Variants in LRRK1 observed in about 807,000 individuals in gnomAD.
The protein encoded by LRRK1 is leucine rich repeat kinase 1, also known as leucine-rich repeat serine/threonine-protein kinase 1.
In LRRK1, 113 loss-of-function variants were observed where a neutral mutation model predicts 209.1. The ratio of observed to expected loss-of-function variants is 0.54; its 90% CI spans 0.46 to 0.63. The LOEUF is 0.63. Among genes scored for constraint, LRRK1 ranks in the 30% least tolerant of loss-of-function variants. LRRK1 has a pLI of 0.00. For synonymous variants in LRRK1, 1,144 were observed against 1,099.7 expected (o/e 1.04, Z -0.80); for missense variants, 2,284 against 2,632.2 (o/e 0.87, Z 2.89).
intron 12 of LRRK1, among the ~76,000 whole-genome samples, chr15:101,017,586 G>A (rs963332): frequency 0.32 from 48,520 of 151,804 alleles, 9,366 homozygotes; most frequent in Non-Finnish European, 0.44. Flanking sequence ...TCATAGGAGC[G>A]CGAACCCTAT....
chr15:101,045,066 C>G (rs999032087), intron 20 of LRRK1, among the ~76,000 whole-genome samples: 9 of 152,252 alleles, frequency 5.9e-5, no homozygotes, highest in African/African-American at 2.2e-4. Context: ...GATCCTTTCT[C>G]TCCCCATTGT....
intron 6 of LRRK1, among the ~76,000 whole-genome samples, chr15:100,992,970 T>G (rs2032228260): frequency 6.6e-6 from 1 of 152,196 alleles, no homozygotes; most frequent in Non-Finnish European, 1.5e-5. Context: ...CCATATGTTC[T>G]TTTTTGAGAG....
intron 15 of LRRK1, among the ~76,000 whole-genome samples, chr15:101,023,294 C>T (rs1211269680): frequency 6.6e-6 from 1 of 152,202 alleles, no homozygotes; most frequent in Non-Finnish European, 1.5e-5. Flanking sequence ...CATGCCACTG[C>T]ACTCCAGCCT....
At chr15:100,961,551 G>C (rs1466551755) in intron 2 of LRRK1, among the ~76,000 whole-genome samples, 3 of 151,996 alleles carry the variant, frequency 2.0e-5, no homozygotes, top group Admixed American at 6.6e-5. Flanking sequence ...TACTCGGGAG[G>C]CTGAGGCAGG....
At chr15:100,927,480 A>T (rs1442210175) in intron 2 of LRRK1, among the ~76,000 whole-genome samples, 1 of 152,160 alleles carries the variant, frequency 6.6e-6, no homozygotes, top group Non-Finnish European at 1.5e-5. Flanking sequence ...AGGGACACAC[A>T]CAAGGGCCAA....
chr15:101,046,251 G>A, intron 21 of LRRK1, 99 bp downstream of exon 21: 2 of 1,298,364 alleles, frequency 1.5e-6, no homozygotes, highest in Admixed American at 2.0e-5. Context: ...GGCCCTGCCT[G>A]GAGACCCTTC....
At chr15:100,976,333 C>T (rs920282811) in intron 3 of LRRK1, among the ~76,000 whole-genome samples, 7 of 152,130 alleles carry the variant, frequency 4.6e-5, no homozygotes, top group African/African-American at 1.7e-4. Flanking sequence ...TAGGTGAGAA[C>T]AGTACCTGGA....
chr15:101,025,749 C>T (rs1221269607), intron 16 of LRRK1, among the ~76,000 whole-genome samples: 1 of 152,206 alleles, frequency 6.6e-6, no homozygotes, highest in Non-Finnish European at 1.5e-5. Flanking sequence ...GCCCCATGAC[C>T]CAACCTCCCG....
At chr15:101,061,763 C>A (rs1020671949) in intron 30 of LRRK1, among the ~76,000 whole-genome samples, 1 of 152,196 alleles carries the variant, frequency 6.6e-6, no homozygotes, top group African/African-American at 2.4e-5. Flanking sequence ...GTAATCCCAG[C>A]ACTTTGGGAG....
rs973279063 is a variant in LRRK1, at chr15:101,074,210, C to T, written c.*5362C>T. Reference sequence around the variant, plus strand: ...ACCCATCTGACCTCTCCCCTCCTCCCCAGGCTGCTCCTTGCCAGGCCGAGC... The same window carrying T: ...ACCCATCTGACCTCTCCCCTCCTCCTCAGGCTGCTCCTTGCCAGGCCGAGC... On this transcript the variant is annotated 3_prime_UTR_variant, in exon 34 of 34. Transcript: ENST00000388948. 1.4e-4 allele frequency: 21 copies of T among 152,128 alleles called. No individual in the cohort carries two copies. The highest frequency in any genetic ancestry group is 4.8e-4 in the African/African-American group (20 of 41,408). 9.4% of individuals were successfully genotyped at this position (152,128 alleles called of 1,614,324 possible). A position where few individuals can be genotyped will look rare whatever the true frequency, so the allele number is the denominator to read the frequency against.
At chr15:100,972,363 A>AGAGAGAGAGAGAGAGTGTGTGTGTGTGT (rs1176201849) in intron 2 of LRRK1, among the ~76,000 whole-genome samples, 1 of 98,474 alleles carries the variant, frequency 1.0e-5, no homozygotes, top group Non-Finnish European at 1.9e-5. Context: ...AGAGAGAGAG[A>AGAGAGAGAGAGAGAGTGTGTGTGTGTGT]GTGTGTGTGT....
intron 2 of LRRK1, among the ~76,000 whole-genome samples, chr15:100,941,194 G>A (rs532452142): frequency 6.6e-6 from 1 of 151,528 alleles, no homozygotes; most frequent in South Asian, 2.1e-4. Flanking sequence ...CTTTGTGCAT[G>A]TGTGTTTCTG....
At chr15:100,933,903 G>T (rs1413992590) in intron 2 of LRRK1, among the ~76,000 whole-genome samples, 4 of 145,910 alleles carry the variant, frequency 2.7e-5, no homozygotes, top group African/African-American at 1.0e-4. Context: ...TTTCATTTTG[G>T]AACTCAGTCT....
intron 2 of LRRK1, among the ~76,000 whole-genome samples, chr15:100,941,728 G>C (rs1174397494): frequency 6.6e-6 from 1 of 152,200 alleles, no homozygotes; most frequent in Non-Finnish European, 1.5e-5. Flanking sequence ...AGGCTGCCTT[G>C]GGGACATCCA....
rs1030845011 is a variant in LRRK1 at position 101,027,830 on chromosome 15, C to G, written c.2686+33C>G. ...GGGCTGGGGTAGGTGGCAGGGTGCC[C>G]GTGAGAAATGGAACTGTCTGTACTT... On this transcript the variant is annotated intron_variant, in intron 19 of 33. Transcript: ENST00000388948. The surrounding 1 kb of genome is among the most constrained non-coding windows in gnomAD (Gnocchi z 5.1). The G allele has an allele frequency of 6.5e-7, 1 of 1,531,710 alleles. No homozygotes were observed. Among genetic ancestry groups the G allele is most frequent in the Non-Finnish European group, 8.8e-7 (1 of 1,134,438 alleles). 94.9% of individuals were successfully genotyped at this position (1,531,710 alleles called of 1,614,324 possible). A position where few individuals can be genotyped will look rare whatever the true frequency, so the allele number is the denominator to read the frequency against.
At chr15:101,015,087 C>T (rs2412004) in intron 11 of LRRK1, among the ~76,000 whole-genome samples, 72,454 of 152,024 alleles carry the variant, frequency 0.48, 19,411 homozygotes, top group Non-Finnish European at 0.59. Context: ...CCCCCGTTAT[C>T]TGCAGAAGGC....
At chr15:100,941,386 GTC>G (rs2042417547) in intron 2 of LRRK1, among the ~76,000 whole-genome samples, 2 of 150,594 alleles carry the variant, frequency 1.3e-5, no homozygotes, top group East Asian at 2.0e-4. Flanking sequence ...GTGTGTCTGT[GTC>G]TCTGTGTGTG....
intron 12 of LRRK1, among the ~76,000 whole-genome samples, chr15:101,018,305 G>A (rs923185791): frequency 2.6e-5 from 4 of 152,160 alleles, no homozygotes; most frequent in African/African-American, 7.2e-5. Flanking sequence ...CACGAATAGG[G>A]AAATGCAATT....
chr15:101,048,546 A>G lies in LRRK1; in HGVS notation c.3188A>G (p.Tyr1063Cys). Residue 1063 changes from tyrosine to cysteine, a missense_variant, in exon 22 of 34, where the codon TAC becomes TGC. By Grantham distance (194) the Tyr-to-Cys change is radical (BLOSUM62 -2). Coordinates refer to ENST00000388948, the MANE Select transcript of LRRK1 (RefSeq NM_024652.6). Reference protein sequence around the residue: ...TKSRNRKVTIYSFTGNQRNRC... With the variant: ...TKSRNRKVTICSFTGNQRNRC... ...AGCAGGAACAGGAAAGTCACCATTT[A>G]CAGTTTTACAGGAAACCAGAGAAAT... 1 of 1,596,484 alleles carries G rather than the reference A, an allele frequency of 6.3e-7. No individual in the cohort carries two copies. Among genetic ancestry groups the G allele is most frequent in the Non-Finnish European group, 8.5e-7 (1 of 1,174,796 alleles).
Sources: gnomAD v4.1 joint callset for allele counts (sites outside exome capture counted in the v4.1 genomes callset) on GRCh38, gnomAD v4.1.1 for gene constraint, Gnocchi (gnomAD v3.1) non-coding constraint, MANE v1.5 for transcripts, NCBI Gene and HGNC (gene_info 2026-07-23, HGNC 2026-07-21) for gene names.